Variants in TENM2 observed in about 807,000 individuals in gnomAD.
The protein encoded by TENM2 is teneurin transmembrane protein 2.
A neutral mutation model predicts 245.2 loss-of-function variants in TENM2; 52 were observed. The observed-to-expected ratio is 0.21, with a 90% confidence interval of 0.17 to 0.27. The LOEUF is 0.27. Ranked by LOEUF, TENM2 falls within the 10% of genes least tolerant of loss-of-function variation. The probability of loss-of-function intolerance (pLI) is 1.00; values close to 1 mark genes in which losing one functional copy is unlikely to be tolerated. For synonymous variants in TENM2, 1,363 were observed against 1,438.9 expected (o/e 0.95, Z 1.19); for missense variants, 3,046 against 3,666.8 (o/e 0.83, Z 4.37).
At chr5:168,156,812 T>G (rs1226986128) in intron 12 of TENM2, among the ~76,000 whole-genome samples, 2 of 152,174 alleles carry the variant, frequency 1.3e-5, no homozygotes, top group Admixed American at 6.5e-5. Context: ...GAGTTATTCG[T>G]TCATCATTTC....
chr5:167,102,735 T>G, the TENM2 span, among the ~76,000 whole-genome samples: 1 of 152,262 alleles, frequency 6.6e-6, no homozygotes, highest in East Asian at 1.9e-4. Flanking sequence ...CTCAGCTCAG[T>G]GCAACCTCCG....
At chr5:167,265,199 G>C in the TENM2 span, among the ~76,000 whole-genome samples, 2 of 151,790 alleles carry the variant, frequency 1.3e-5, no homozygotes, top group Non-Finnish European at 2.9e-5. Context: ...CTGGCATAGT[G>C]GTGGGCACCT....
chr5:168,182,928 T>G (rs1462050634), intron 13 of TENM2, among the ~76,000 whole-genome samples: 1 of 150,270 alleles, frequency 6.7e-6, no homozygotes, highest in Non-Finnish European at 1.5e-5. Context: ...CCTCCCGCGT[T>G]CAAGCGATTC....
chr5:167,160,382 TC>T, the TENM2 span, among the ~76,000 whole-genome samples: 1 of 152,378 alleles, frequency 6.6e-6, no homozygotes, highest in Non-Finnish European at 1.5e-5. Context: ...CCTGCTGTGC[TC>T]CAGCCTCACT....
chr5:167,365,427 C>T (rs1443307158), intron 1 of TENM2, among the ~76,000 whole-genome samples: 4 of 149,602 alleles, frequency 2.7e-5, no homozygotes, highest in Non-Finnish European at 5.9e-5. Flanking sequence ...AAGATAAGTG[C>T]AGAAATTAGG....
At position 167,470,454 on chromosome 5, in the gene TENM2, C is replaced by CTTTTTTTTTTT. The variant is rs749016436; in HGVS notation, c.502+94993_502+95003dup. Among the ~76,000 whole-genome samples the CTTTTTTTTTTT allele has an allele frequency of 3.2e-3, 154 of 47,386 alleles. 14 individuals are homozygous for CTTTTTTTTTTT. The highest frequency in any genetic ancestry group is 6.8e-3 in the African/African-American group (80 of 11,834). The allele number at this position is 47,386 out of a possible 152,430, so 31.1% of individuals were successfully genotyped here. ...TACAGAGAGGTATGGGCAATGCTTG[C>CTTTTTTTTTTT]TTTTTTTTTTTTTTTTTTTTTTGCT... On this transcript the variant is annotated intron_variant, in intron 2 of 28. Transcript: ENST00000518659.
chr5:167,317,168 C>T (rs1756412811), intron 1 of TENM2, among the ~76,000 whole-genome samples: 1 of 152,172 alleles, frequency 6.6e-6, no homozygotes, highest in Non-Finnish European at 1.5e-5. Context: ...AAATCTGCTT[C>T]CTCTCAGCAG....
chr5:167,874,818 C>T (rs78401516), intron 2 of TENM2, among the ~76,000 whole-genome samples: 3,420 of 152,272 alleles, frequency 0.022, 128 homozygotes, highest in African/African-American at 0.078. Flanking sequence ...AGGGCCGCTC[C>T]ATGTCACTGA....
At chr5:167,572,423 G>A (rs1441911699) in intron 2 of TENM2, among the ~76,000 whole-genome samples, 3 of 152,164 alleles carry the variant, frequency 2.0e-5, no homozygotes, top group African/African-American at 7.2e-5. Context: ...AATGATAATT[G>A]TTATAAGTAG....
At chr5:168,227,902 T>C (rs1764377091) in exon 25 of TENM2, 2 of 1,592,966 alleles carry the variant, frequency 1.3e-6, no homozygotes, top group Admixed American at 3.4e-5. Flanking sequence ...CAGATCAAGT[T>C]CGGAACAGCT....
Position 167,849,331 on chromosome 5 carries a change from G to GA in TENM2, c.503-26647dup, listed in dbSNP as rs890998667. 3.6e-4 allele frequency among the ~76,000 whole-genome samples: 54 copies of GA among 151,646 alleles called. 1 individual carries two copies. The highest frequency in any genetic ancestry group is 1.0e-3 in the African/African-American group (43 of 41,374). On this transcript the variant is annotated intron_variant, in intron 2 of 28. Coordinates refer to ENST00000518659, the Ensembl canonical transcript of TENM2. ...CATGTGCACCAACTACCAGAGACAG[G>GA]AAAAAAAATTGTTTTTCCCCACTCT...
the TENM2 span, among the ~76,000 whole-genome samples, chr5:167,097,225 G>C: frequency 6.6e-6 from 1 of 152,082 alleles, no homozygotes. Flanking sequence ...CGATTTGATC[G>C]AGTGCATTCT....
chr5:167,316,355 CA>C (rs1176840740), intron 1 of TENM2, among the ~76,000 whole-genome samples: 1 of 152,164 alleles, frequency 6.6e-6, no homozygotes, highest in Admixed American at 6.6e-5. Context: ...CAACCTACTA[CA>C]AATCAATGAC....
chr5:167,598,883 C>A (rs1181142606), intron 2 of TENM2, among the ~76,000 whole-genome samples: 2 of 152,282 alleles, frequency 1.3e-5, no homozygotes, highest in South Asian at 2.1e-4. Context: ...AGGTTAATCA[C>A]TCCCTCCATC....
At chr5:167,921,058 A>G (rs887997218) in intron 3 of TENM2, among the ~76,000 whole-genome samples, 5 of 152,230 alleles carry the variant, frequency 3.3e-5, no homozygotes, top group African/African-American at 1.2e-4. Context: ...GCACCCAAAG[A>G]TTTATGGACT....
the TENM2 span, among the ~76,000 whole-genome samples, chr5:167,050,306 C>T: frequency 2.0e-5 from 3 of 152,244 alleles, no homozygotes; most frequent in East Asian, 5.8e-4. Context: ...CTACTGTGAA[C>T]TGGCATGTGA....
chr5:168,263,551 CACT>C (rs540014166), downstream of TENM2: 2 of 152,576 alleles, frequency 1.3e-5, no homozygotes, highest in Non-Finnish European at 2.9e-5. Flanking sequence ...TACCATCCAG[CACT>C]TAACTCTCAG....
the TENM2 span, among the ~76,000 whole-genome samples, chr5:167,105,607 G>A: frequency 2.6e-4 from 39 of 151,876 alleles, no homozygotes; most frequent in Non-Finnish European, 5.3e-4. Flanking sequence ...GAAAGTGATC[G>A]GCCGGGCGCG....
chr5:167,247,528 A>G, the TENM2 span, among the ~76,000 whole-genome samples: 1 of 152,120 alleles, frequency 6.6e-6, no homozygotes, highest in African/African-American at 2.4e-5. Flanking sequence ...AAAAAAAATA[A>G]ATGATTGGTG....
Sources: allele counts gnomAD v4.1 joint callset (sites outside exome capture counted in the v4.1 genomes callset), GRCh38; gene constraint gnomAD v4.1.1; transcripts MANE v1.5; gene names NCBI Gene and HGNC (gene_info 2026-07-23, HGNC 2026-07-21).